RGPD1: variants seen among roughly 807,000 people sequenced by gnomAD.
RGPD1 encodes RANBP2 like and GRIP domain containing 1, also known as RANBP2-like and GRIP domain-containing protein 1.
RGPD1 carries 7 observed loss-of-function variants against 40.6 expected under a neutral mutation model. The ratio of observed to expected loss-of-function variants is 0.17; its 90% CI spans 0.10 to 0.32. RGPD1 has a LOEUF of 0.32. RGPD1 is among the 10% of genes least tolerant of loss of function. The pLI is 1.00. For synonymous variants in RGPD1, 24 were observed against 167.0 expected (o/e 0.14, Z 6.60); for missense variants, 50 against 472.5 (o/e 0.11, Z 8.29).
At chr2:86,924,206 A>G (rs1253275536) in intron 1 of RGPD1, among the ~76,000 whole-genome samples, 1 of 151,032 alleles carries the variant, frequency 6.6e-6, no homozygotes, top group African/African-American at 2.4e-5. Flanking sequence ...TCCAGGCTGG[A>G]GTGCAGTGGC....
intron 1 of RGPD1, among the ~76,000 whole-genome samples, chr2:86,914,320 C>T (rs1443451642): frequency 2.7e-5 from 1 of 37,010 alleles, no homozygotes; most frequent in Non-Finnish European, 4.8e-5. Flanking sequence ...CGGCGGCGGC[C>T]TCGGCCTGGC....
chr2:86,940,301 ATTATTC>A (rs955682008), upstream of RGPD1, among the ~76,000 whole-genome samples: 4 of 82,106 alleles, frequency 4.9e-5, 1 homozygote, highest in African/African-American at 9.4e-5. Flanking sequence ...ATTAAATATT[ATTATTC>A]TTATTATTTG....
At chr2:86,935,861 C>CA (rs1226970703) in intron 1 of RGPD1, among the ~76,000 whole-genome samples, 2 of 144,374 alleles carry the variant, frequency 1.4e-5, no homozygotes, top group Non-Finnish European at 3.1e-5. Flanking sequence ...TTCATGATGT[C>CA]AAACATACAA....
rs983515729 is a variant in RGPD1 at position 87,013,559 on chromosome 2, G to T, written c.*1012G>T. 1.1e-5 allele frequency: 1 copy of T among 90,482 alleles called. No homozygotes were observed. The highest frequency in any genetic ancestry group is 5.0e-5 in the African/African-American group (1 of 19,838). 5.6% of individuals were successfully genotyped at this position (90,482 alleles called of 1,614,324 possible). A position where few individuals can be genotyped will look rare whatever the true frequency, so the allele number is the denominator to read the frequency against. On this transcript the variant is annotated 3_prime_UTR_variant, in exon 23 of 23. Transcript: ENST00000641458. ...GGGTTTTTAGATGGGGGAATGGCAG[G>T]CTTTTCCGAGGCTGAAAGAGATCCA...
chr2:86,937,091 A>G (rs1679405487), intron 1 of RGPD1, among the ~76,000 whole-genome samples: 1 of 130,556 alleles, frequency 7.7e-6, no homozygotes, highest in Non-Finnish European at 1.6e-5. Context: ...TAGGAATTCT[A>G]ACTGAAGGGC....
At chr2:86,978,963 TC>T (rs1681378335) in intron 17 of RGPD1, among the ~76,000 whole-genome samples, 1 of 12,212 alleles carries the variant, frequency 8.2e-5, no homozygotes, top group South Asian at 4.3e-3. Context: ...TTTTAATACT[TC>T]CATATGAATT....
At chr2:86,918,511 G>A (rs1677896958) in intron 1 of RGPD1, among the ~76,000 whole-genome samples, 1 of 132,352 alleles carries the variant, frequency 7.6e-6, no homozygotes, top group African/African-American at 3.2e-5. Flanking sequence ...CTAGGCTGGA[G>A]TGCAATGGCG....
chr2:86,955,717 T>G (rs1180466456), intron 4 of RGPD1, among the ~76,000 whole-genome samples: 2 of 86,640 alleles, frequency 2.3e-5, no homozygotes, highest in Non-Finnish European at 4.5e-5. Flanking sequence ...TGAAGATGCT[T>G]CCAAAGATAA....
At chr2:86,955,062 G>C (rs1680656179) in intron 4 of RGPD1, among the ~76,000 whole-genome samples, 1 of 15,348 alleles carries the variant, frequency 6.5e-5, no homozygotes, top group South Asian at 2.7e-3. Context: ...GTTCACTGGC[G>C]CAATCTCGGC....
rs1407566235 is a variant in RGPD1 at position 86,942,326 on chromosome 2, A to G, written c.72+18A>G. On this transcript the variant is annotated intron_variant, in intron 1 of 22. Transcript: ENST00000641458. ...CTGGAAAGGTGAGTGGATCTCGAAGAGACCGACGGCCTCGACCTGGCCGGG... is the reference window on the plus strand; with the variant it reads ...CTGGAAAGGTGAGTGGATCTCGAAGGGACCGACGGCCTCGACCTGGCCGGG... 6.6e-7 allele frequency: 1 copy of G among 1,510,544 alleles called. No individual in the cohort carries two copies. Among genetic ancestry groups the G allele is most frequent in the South Asian group, 1.2e-5 (1 of 83,778 alleles). The allele number at this position is 1,510,544 out of a possible 1,614,324, so 93.6% of individuals were successfully genotyped here.
At chr2:86,939,303 C>T (rs368610071), upstream of RGPD1, among the ~76,000 whole-genome samples, 7 of 146,300 alleles carry the variant, frequency 4.8e-5, 1 homozygote, top group Admixed American at 2.0e-4. Context: ...ATGCTGGGCA[C>T]GGTGGATGCC....
At chr2:86,943,870 C>G (rs1032611731) in intron 1 of RGPD1, among the ~76,000 whole-genome samples, 3 of 151,952 alleles carry the variant, frequency 2.0e-5, no homozygotes, top group Non-Finnish European at 2.9e-5. Flanking sequence ...AAAAGTTAGC[C>G]GGGCGTGGTG....
At position 87,011,641 on chromosome 2, in the gene RGPD1, AT is replaced by A. The variant is rs1473240245; in HGVS notation, c.5237-871del. 6.1e-5 allele frequency among the ~76,000 whole-genome samples: 3 copies of A among 49,530 alleles called. 1 individual carries two copies. The highest frequency in any genetic ancestry group is 1.2e-4 in the Non-Finnish European group (3 of 24,990). 32.5% of individuals were successfully genotyped at this position (49,530 alleles called of 152,430 possible). On this transcript the variant is annotated intron_variant, in intron 22 of 22. Transcript: ENST00000641458. ...CCACACATTCTCTCTTTTAGTCCTA[AT>A]AAAAAAAACCATTTGAGGAAGGTGT...
Position 86,944,307 on chromosome 2 carries a change from A to T in RGPD1, c.72+1999A>T, listed in dbSNP as rs559957335. The stretch of plus-strand genomic sequence containing the variant: ...ATCTACTTGTACATTGTAATTTCAA[A>T]CTGCTAGCATAGTATAAATATGAAT... On this transcript the variant is annotated intron_variant, in intron 1 of 22. Transcript: ENST00000641458. Among the ~76,000 whole-genome samples the T allele has an allele frequency of 4.4e-3, 665 of 152,270 alleles. 1 individual carries two copies. Among genetic ancestry groups the T allele is most frequent in the Non-Finnish European group, 7.5e-3 (511 of 68,022 alleles).
intron 1 of RGPD1, among the ~76,000 whole-genome samples, chr2:86,925,794 T>C (rs1241186127): frequency 6.6e-6 from 1 of 152,144 alleles, no homozygotes; most frequent in Non-Finnish European, 1.5e-5. Context: ...GGTCTCGAAC[T>C]CCTGGGCTCC....
intron 4 of RGPD1, among the ~76,000 whole-genome samples, chr2:86,955,731 TTA>T (rs1680681627): frequency 1.0e-5 from 1 of 95,290 alleles, no homozygotes; most frequent in South Asian, 4.8e-4. Context: ...AAGATAAATA[TTA>T]CTGATAAGTT....
chr2:86,925,042 A>C (rs1471839460), intron 1 of RGPD1, among the ~76,000 whole-genome samples: 1 of 151,860 alleles, frequency 6.6e-6, no homozygotes, highest in Non-Finnish European at 1.5e-5. Flanking sequence ...GATGTTAAAC[A>C]CTCTTTCATG....
chr2:86,931,193 A>T (rs1036455421), intron 1 of RGPD1, among the ~76,000 whole-genome samples: 2 of 149,156 alleles, frequency 1.3e-5, no homozygotes, highest in African/African-American at 5.0e-5. Context: ...GCCTTATAGG[A>T]TATCCTTTCT....
chr2:86,929,768 G>A (rs1375540372), intron 1 of RGPD1, among the ~76,000 whole-genome samples: 5 of 138,104 alleles, frequency 3.6e-5, no homozygotes, highest in Non-Finnish European at 7.9e-5. Flanking sequence ...TATGTCTTGC[G>A]GGGGTAAAGC....
Sources: gnomAD v4.1 joint callset for allele counts (sites outside exome capture counted in the v4.1 genomes callset) on GRCh38, gnomAD v4.1.1 for gene constraint, MANE v1.5 for transcripts, NCBI Gene and HGNC (gene_info 2026-07-23, HGNC 2026-07-21) for gene names.